Variants in GPR157 observed in about 807,000 individuals in gnomAD.
The protein encoded by GPR157 is G protein-coupled receptor 157, also known as G-protein coupled receptor 157.
GPR157 carries 16 observed loss-of-function variants against 23.5 expected under a neutral mutation model. The observed-to-expected ratio is 0.68, with a 90% confidence interval of 0.46 to 1.04. The LOEUF (loss-of-function observed/expected upper bound fraction) is 1.04, where lower values mean the gene tolerates loss of function less well. GPR157 is among the 50% of genes least tolerant of loss of function. The probability of loss-of-function intolerance (pLI) is 0.00; values close to 1 mark genes in which losing one functional copy is unlikely to be tolerated. For missense variants in GPR157, 440 were observed against 460.7 expected, an observed-to-expected ratio of 0.96 and a Z score of 0.41; for synonymous variants, 200 against 221.5, an observed-to-expected ratio of 0.90 and a Z score of 0.86.
In GPR157 at chr1:9,128,676, C is replaced by G; in HGVS notation, c.352G>C (p.Asp118His). The change falls in exon 1 of 4, where the codon GAT becomes CAT. Residue 118 changes from aspartate (D) to histidine (H), a missense_variant. Physicochemically the swap from Asp to His is moderately conservative, Grantham distance 81. Transcript: ENST00000377411. This position sits in a 1 kb window ranked among gnomAD's most constrained non-coding sequence, Gnocchi z 6.3. ...IVRAARGPRT[D>H]RLLWAFHVVS... Reference sequence around the variant, plus strand: ...ACATGGAAGGCCCAAAGCAGGCGATCTGTGCGAGGCCCGCGCGCGGCGCGG... The same window carrying G: ...ACATGGAAGGCCCAAAGCAGGCGATGTGTGCGAGGCCCGCGCGCGGCGCGG... The G allele has an allele frequency of 6.2e-7, 1 of 1,613,172 alleles. No individual in the cohort carries two copies. Among genetic ancestry groups the G allele is most frequent in the Non-Finnish European group, 8.5e-7 (1 of 1,179,918 alleles).
intron 1 of GPR157, among the ~76,000 whole-genome samples, chr1:9,124,015 A>G (rs1638914081): frequency 6.6e-6 from 1 of 151,706 alleles, no homozygotes; most frequent in African/African-American, 2.4e-5. Context: ...TTTTTTGTAG[A>G]GACAGGATTT....
intron 1 of GPR157, among the ~76,000 whole-genome samples, chr1:9,122,404 G>A (rs1437174945): frequency 1.3e-5 from 2 of 152,178 alleles, no homozygotes; most frequent in African/African-American, 2.4e-5. Context: ...GACACGAAAC[G>A]CTTGGGTGAA....
At chr1:9,107,864 G>T (rs1004120594) in intron 2 of GPR157, among the ~76,000 whole-genome samples, 3 of 152,048 alleles carry the variant, frequency 2.0e-5, no homozygotes, top group Non-Finnish European at 4.4e-5. Context: ...GGAGGCAGAG[G>T]TTACAGTGAG....
intron 2 of GPR157, among the ~76,000 whole-genome samples, chr1:9,106,478 TGGG>T: frequency 6.6e-6 from 1 of 152,292 alleles, no homozygotes; most frequent in African/African-American, 2.4e-5. Context: ...ATGGTCACAG[TGGG>T]GCCAACCCTG....
rs1638280245 is a variant in GPR157 at position 9,105,549 on chromosome 1, C to T, written c.729G>A (p.Val243=). 2 of 1,600,514 alleles carry T rather than the reference C, an allele frequency of 1.2e-6. No individual in the cohort carries two copies. Among genetic ancestry groups the T allele is most frequent in the African/African-American group, 1.3e-5 (1 of 75,002 alleles). Residue 243 remains valine (V), a synonymous_variant, in exon 3 of 4, where the codon GTG becomes GTA. Transcript: ENST00000377411. The surrounding 1 kb of genome is among the most constrained non-coding windows in gnomAD (Gnocchi z 4.8). The part of the protein sequence containing the change: ...IFIGLRVWST[V]RFVLTLCGSP... Reference sequence around the variant, plus strand: ...AGCCACAGAGGGTCAGCACGAACCGCACGGTGCTCCAGACCCTGAGGCCGA... The same window carrying T: ...AGCCACAGAGGGTCAGCACGAACCGTACGGTGCTCCAGACCCTGAGGCCGA...
Position 9,108,795 on chromosome 1 carries a change from A to ATT in GPR157, c.597+2479_597+2480dup, listed in dbSNP as rs56404416. ...TAGACATGCACCAGCACACCAGCTA[A>ATT]TTTTTTTTTTGAGAAGGAGTCTCTC... On this transcript the variant is annotated intron_variant, in intron 2 of 3. Transcript: ENST00000377411. 9.1e-4 allele frequency among the ~76,000 whole-genome samples: 137 copies of ATT among 150,398 alleles called. 1 individual carries two copies. Among genetic ancestry groups the ATT allele is most frequent in the African/African-American group, 1.9e-3 (78 of 40,998 alleles).
rs1198329144 is a variant in GPR157, at chr1:9,102,865, C to T, written c.*1554G>A. On this transcript the variant is annotated 3_prime_UTR_variant, in exon 4 of 4. Coordinates refer to ENST00000377411, the MANE Select transcript of GPR157 (RefSeq NM_024980.5). ...TAAATAATCGCTCCATGCTCCATGCCGCCACTTACCTCAGCTGAATACAAA... is the reference window on the plus strand; with the variant it reads ...TAAATAATCGCTCCATGCTCCATGCTGCCACTTACCTCAGCTGAATACAAA... The T allele has an allele frequency of 3.9e-5, 6 of 152,090 alleles. No individual in the cohort carries two copies. The highest frequency in any genetic ancestry group is 7.4e-5 in the Non-Finnish European group (5 of 68,020). The allele number at this position is 152,090 out of a possible 1,614,324, so 9.4% of individuals were successfully genotyped here. A position where few individuals can be genotyped will look rare whatever the true frequency, so the allele number is the denominator to read the frequency against.
intron 1 of GPR157, among the ~76,000 whole-genome samples, chr1:9,123,649 AAT>A (rs1416540815): frequency 1.7e-5 from 2 of 114,432 alleles, no homozygotes; most frequent in Non-Finnish European, 3.3e-5. Context: ...ATTAATATTA[AAT>A]ATATATTAAA....
At position 9,105,210 on chromosome 1, in the gene GPR157, T is replaced by C. The variant is rs1035732161; in HGVS notation, c.792+276A>G. Among the ~76,000 whole-genome samples the C allele has an allele frequency of 1.3e-5, 2 of 152,052 alleles. No individual in the cohort carries two copies. The highest frequency in any genetic ancestry group is 2.1e-4 in the South Asian group (1 of 4,820). On this transcript the variant is annotated intron_variant, in intron 3 of 3. Coordinates refer to ENST00000377411, the MANE Select transcript of GPR157 (RefSeq NM_024980.5). This position sits in a 1 kb window ranked among gnomAD's most constrained non-coding sequence, Gnocchi z 4.8. Reference sequence around the variant, plus strand: ...CCTTCAGCAGGGCTCCAGGTCTTCTTGGCTGGGAAGGACCCAAGATCAGTC... The same window carrying C: ...CCTTCAGCAGGGCTCCAGGTCTTCTCGGCTGGGAAGGACCCAAGATCAGTC...
chr1:9,116,497 C>T (rs1197593784), intron 1 of GPR157, among the ~76,000 whole-genome samples: 1 of 140,356 alleles, frequency 7.1e-6, no homozygotes, highest in Non-Finnish European at 1.5e-5. Context: ...ATTCCCAGCA[C>T]TTTGAGAGGC....
At position 9,128,486 on chromosome 1, in the gene GPR157, C is replaced by T; in HGVS notation, c.383+159G>A. 1 of 727,056 alleles carries T rather than the reference C, an allele frequency of 1.4e-6. No individual in the cohort carries two copies. Among genetic ancestry groups the T allele is most frequent in the Non-Finnish European group, 2.4e-6 (1 of 422,470 alleles). The allele number at this position is 727,056 out of a possible 1,614,324, so 45.0% of individuals were successfully genotyped here. A position where few individuals can be genotyped will look rare whatever the true frequency, so the allele number is the denominator to read the frequency against. ...GGGAGCGAATCTCGGGCAAGGCTGG[C>T]CTCCTCCCGCTGGCCCAGGACAGCC... On this transcript the variant is annotated intron_variant, in intron 1 of 3. Transcript: ENST00000377411. The surrounding 1 kb of genome is among the most constrained non-coding windows in gnomAD (Gnocchi z 6.3).
At chr1:9,116,650 G>C (rs946867588) in intron 1 of GPR157, among the ~76,000 whole-genome samples, 4 of 150,504 alleles carry the variant, frequency 2.7e-5, no homozygotes, top group Non-Finnish European at 5.9e-5. Context: ...GGCTAAGGCA[G>C]GAGAATTGAT....
chr1:9,112,260 G>A (rs1278872180), intron 1 of GPR157, among the ~76,000 whole-genome samples: 2 of 152,240 alleles, frequency 1.3e-5, no homozygotes, highest in African/African-American at 2.4e-5. Flanking sequence ...GCTTAGGGTT[G>A]CCTGGGCAGG....
At chr1:9,109,358 C>T (rs1230858704) in intron 2 of GPR157, among the ~76,000 whole-genome samples, 25 of 151,220 alleles carry the variant, frequency 1.7e-4, no homozygotes, top group Non-Finnish European at 1.9e-4. Flanking sequence ...GCTGGGATTA[C>T]AGGCATGAGT....
Position 9,105,705 on chromosome 1 carries a change from CTT to C in GPR157, c.598-27_598-26del. The C allele has an allele frequency of 6.4e-7, 1 of 1,570,168 alleles. No individual in the cohort carries two copies. Among genetic ancestry groups the C allele is most frequent in the South Asian group, 1.2e-5 (1 of 84,462 alleles). ...GCTGTGTGGGGACAGCGAGGGCAGA[CTT>C]GAGTGGATAGGCACCCTCCCGCCAC... is the stretch of plus-strand genomic sequence containing the variant. On this transcript the variant is annotated intron_variant, in intron 2 of 3. Coordinates refer to ENST00000377411, the MANE Select transcript of GPR157 (RefSeq NM_024980.5). This position sits in a 1 kb window ranked among gnomAD's most constrained non-coding sequence, Gnocchi z 4.8.
chr1:9,105,752 G>T lies in GPR157; in HGVS notation c.598-72C>A. 1.5e-6 allele frequency: 2 copies of T among 1,350,312 alleles called. No individual in the cohort carries two copies. The highest frequency in any genetic ancestry group is 2.0e-6 in the Non-Finnish European group (2 of 979,510). 83.6% of individuals were successfully genotyped at this position (1,350,312 alleles called of 1,614,324 possible). ...CGCCACGTCCACCCAGGCTGCCCAG[G>T]TCTTCCCAGGGACTTGAACTAGCTC... On this transcript the variant is annotated intron_variant, in intron 2 of 3. Transcript: ENST00000377411. The surrounding 1 kb of genome is among the most constrained non-coding windows in gnomAD (Gnocchi z 4.8).
At chr1:9,122,975 G>A (rs573012934) in intron 1 of GPR157, among the ~76,000 whole-genome samples, 111 of 151,458 alleles carry the variant, frequency 7.3e-4, no homozygotes, top group Middle Eastern at 6.8e-3. Flanking sequence ...TGAGCAACAC[G>A]GTGAAACCCC....
Position 9,111,447 on chromosome 1 carries a change from CA to C in GPR157, c.425del (p.Leu142ArgfsTer31). 3 of 1,614,074 alleles carry C rather than the reference CA, an allele frequency of 1.9e-6. No homozygotes were observed. The Middle Eastern group carries it at 4.9e-4, about 266-fold the overall frequency. ...PLVITVAAVA[L>X]KKIGYDASDV... The stretch of plus-strand genomic sequence containing the variant: ...CCGAGGCGTCATAGCCAATCTTCTT[CA>C]GGGCGACGGCTGCCACAGTGATGAC... On this transcript the variant is annotated frameshift_variant, in exon 2 of 4. Coordinates refer to ENST00000377411, the MANE Select transcript of GPR157 (RefSeq NM_024980.5). LOFTEE classifies it high-confidence loss of function.
At position 9,120,825 on chromosome 1, in the gene GPR157, AG is replaced by A. The variant is rs1316416342; in HGVS notation, c.383+7819del. 1.3e-5 allele frequency among the ~76,000 whole-genome samples: 2 copies of A among 152,206 alleles called. No individual in the cohort carries two copies. The highest frequency in any genetic ancestry group is 4.8e-5 in the African/African-American group (2 of 41,454). ...AGCTTCCTGCTGCACACAGGGACAC[AG>A]CGCTGCCACCTTCACCAGTCACCTC... On this transcript the variant is annotated intron_variant, in intron 1 of 3. Transcript: ENST00000377411. This position sits in a 1 kb window ranked among gnomAD's most constrained non-coding sequence, Gnocchi z 4.1.
Sources: gnomAD v4.1 joint callset for allele counts (sites outside exome capture counted in the v4.1 genomes callset) on GRCh38, gnomAD v4.1.1 for gene constraint, Gnocchi (gnomAD v3.1) non-coding constraint, MANE v1.5 for transcripts, NCBI Gene and HGNC (gene_info 2026-07-23, HGNC 2026-07-21) for gene names.